The following SHTN1 variants were observed in gnomAD, a reference collection of about 807,000 sequenced individuals.
SHTN1 encodes the protein shootin-1.
Under a neutral mutation model 83.1 loss-of-function variants are expected in SHTN1, and 42 were observed. The observed-to-expected ratio is 0.51, with a 90% CI of 0.39 to 0.65. The LOEUF is 0.65. Among genes scored for constraint, SHTN1 ranks in the 30% least tolerant of loss-of-function variants. The pLI is 0.00. For synonymous variants in SHTN1, 224 were observed against 247.7 expected, an observed-to-expected ratio of 0.90 and a Z score of 0.90; for missense variants, 622 against 737.8, an observed-to-expected ratio of 0.84 and a Z score of 1.82.
intron 2 of SHTN1, among the ~76,000 whole-genome samples, chr10:117,022,649 A>G (rs140154794): frequency 7.6e-4 from 115 of 152,298 alleles, no homozygotes; most frequent in African/African-American, 2.4e-3. Flanking sequence ...GGCCGGGCAC[A>G]GTGGCTCATG....
intron 14 of SHTN1, among the ~76,000 whole-genome samples, chr10:116,909,564 T>C (rs1046988888): frequency 4.6e-5 from 7 of 152,192 alleles, no homozygotes; most frequent in Admixed American, 4.6e-4. Flanking sequence ...TTTGTGACTA[T>C]GAGAAATGGA....
intron 15 of SHTN1, among the ~76,000 whole-genome samples, chr10:116,903,370 T>C (rs1847824850): frequency 6.6e-6 from 1 of 152,020 alleles, no homozygotes; most frequent in Admixed American, 6.5e-5. Context: ...CTGTCTCTAC[T>C]AGAAATCAGC....
At chr10:117,042,894 G>C (rs1399370704) in intron 2 of SHTN1, among the ~76,000 whole-genome samples, 11 of 152,132 alleles carry the variant, frequency 7.2e-5, no homozygotes, top group Admixed American at 7.2e-4. Flanking sequence ...GGGATTACAG[G>C]CGTTTGCCAT....
At chr10:117,002,063 T>A (rs2133540720) in intron 1 of SHTN1, among the ~76,000 whole-genome samples, 1 of 152,324 alleles carries the variant, frequency 6.6e-6, no homozygotes, top group South Asian at 2.1e-4. Context: ...AAGATTGCTA[T>A]TAGCCAGAGT....
rs1853785081 is a variant in SHTN1, at chr10:117,112,656, C to A, written c.-189+13651G>T. 3.9e-5 allele frequency among the ~76,000 whole-genome samples: 6 copies of A among 152,150 alleles called. No individual in the cohort carries two copies. The South Asian group carries it at 1.2e-3, about 32-fold the overall frequency. On this transcript the variant is annotated intron_variant, in intron 1 of 17. Coordinates refer to the SHTN1 transcript ENST00000392901. ...GAGTTAATGAGAAATAGAACTGGGA[C>A]AACTAGAACCCAGTTTTCCTGCGTT...
Position 116,882,132 on chromosome 10 carries a change from G to GT in SHTN1, c.*4211dup, listed in dbSNP as rs1847033417. On this transcript the variant is annotated 3_prime_UTR_variant, in exon 17 of 17. Coordinates refer to ENST00000355371, the MANE Select transcript of SHTN1 (RefSeq NM_001127211.3). The stretch of plus-strand genomic sequence containing the variant: ...GACACATTTTTGTAACCAACCTCAC[G>GT]TAGAAGTGTGAGAGCATCACCATTT... 6.6e-6 allele frequency: 1 copy of GT among 152,570 alleles called. No individual in the cohort carries two copies. Among genetic ancestry groups the GT allele is most frequent in the African/African-American group, 2.4e-5 (1 of 41,418 alleles). The allele number at this position is 152,570 out of a possible 1,614,324, so 9.5% of individuals were successfully genotyped here.
At chr10:116,920,750 G>A (rs1175811321) in intron 12 of SHTN1, among the ~76,000 whole-genome samples, 1 of 152,076 alleles carries the variant, frequency 6.6e-6, no homozygotes, top group African/African-American at 2.4e-5. Context: ...TGGACACCAT[G>A]TTCCAGCCAT....
intron 2 of SHTN1, among the ~76,000 whole-genome samples, chr10:117,018,917 T>C (rs1852223405): frequency 6.6e-6 from 1 of 151,930 alleles, no homozygotes; most frequent in Non-Finnish European, 1.5e-5. Flanking sequence ...TCCTAGCCAG[T>C]ACAGTAAGGA....
chr10:116,922,449 T>C (rs1848598815), intron 11 of SHTN1, among the ~76,000 whole-genome samples: 1 of 151,980 alleles, frequency 6.6e-6, no homozygotes. Flanking sequence ...GAGCCAGTGA[T>C]TCCACTGCCA....
chr10:116,916,355 G>A (rs1382388534), intron 12 of SHTN1, among the ~76,000 whole-genome samples: 2 of 152,142 alleles, frequency 1.3e-5, no homozygotes, highest in African/African-American at 4.8e-5. Context: ...TGCAGTTCTA[G>A]GTCTTGTGTT....
rs114197160 is a variant in SHTN1, at chr10:117,078,167, T to C, written c.-188-29657A>G. Among the ~76,000 whole-genome samples, 1,508 of 152,240 alleles carry C rather than the reference T, an allele frequency of 9.9e-3. 18 individuals are homozygous for C. Among genetic ancestry groups the C allele is most frequent in the African/African-American group, 0.035 (1,437 of 41,538 alleles). ...GCTTTCAATGGACATTTTAAACACA[T>C]GGGATTAAGATCCTGAAGCACGTCT... On this transcript the variant is annotated intron_variant, in intron 1 of 17. Transcript: ENST00000392901.
intron 12 of SHTN1, among the ~76,000 whole-genome samples, chr10:116,920,579 C>T (rs1848526121): frequency 6.6e-6 from 1 of 152,166 alleles, no homozygotes; most frequent in Admixed American, 6.5e-5. Flanking sequence ...TATCCAGTTA[C>T]AGTCTGTTCT....
intron 4 of SHTN1, among the ~76,000 whole-genome samples, chr10:116,954,992 T>C (rs1468458795): frequency 6.6e-6 from 1 of 151,810 alleles, no homozygotes; most frequent in Non-Finnish European, 1.5e-5. Context: ...AGAGATTCTA[T>C]GGAAGTCTCT....
intron 14 of SHTN1, among the ~76,000 whole-genome samples, chr10:116,910,220 G>A (rs938835148): frequency 1.3e-5 from 2 of 152,178 alleles, no homozygotes; most frequent in African/African-American, 4.8e-5. Context: ...TTGGCAGAGA[G>A]TAGGGGAGAG....
chr10:117,119,560 T>C (rs1853894819), intron 1 of SHTN1, among the ~76,000 whole-genome samples: 1 of 152,146 alleles, frequency 6.6e-6, no homozygotes, highest in African/African-American at 2.4e-5. Context: ...GGCGAGGATG[T>C]GGAGAAAAGG....
Position 116,954,028 on chromosome 10 carries a change from G to A in SHTN1, c.436+14C>T, listed in dbSNP as rs1415901161. 6.3e-7 allele frequency: 1 copy of A among 1,597,056 alleles called. No individual in the cohort carries two copies. The highest frequency in any genetic ancestry group is 1.1e-5 in the South Asian group (1 of 88,206). The stretch of plus-strand genomic sequence containing the variant: ...GGTAAAAAATATGCTCAATAATTAA[G>A]CAAAGAGTTCTACCTTTAATTTGCT... On this transcript the variant is annotated intron_variant, in intron 5 of 16. Coordinates refer to ENST00000355371, the MANE Select transcript of SHTN1 (RefSeq NM_001127211.3).
chr10:116,976,531 C>T (rs1482463021), intron 2 of SHTN1, among the ~76,000 whole-genome samples: 1 of 152,188 alleles, frequency 6.6e-6, no homozygotes, highest in Admixed American at 6.5e-5. Context: ...GATTTAACTG[C>T]ACTCTGGTTT....
At position 116,940,478 on chromosome 10, in the gene SHTN1, C is replaced by G; in HGVS notation, c.846G>C (p.Gln282His). The G allele has an allele frequency of 6.2e-7, 1 of 1,613,440 alleles. No individual in the cohort carries two copies. The highest frequency in any genetic ancestry group is 8.5e-7 in the Non-Finnish European group (1 of 1,179,648). The part of the protein sequence containing the change: ...LTQQLEEERI[Q>H]HQQKVKELEE... ...GAAAATGGGTTACCTTTTGTTGATGCTGAATTCTCTCTTCTTCAAGTTGCT... is the reference window on the plus strand; with the variant it reads ...GAAAATGGGTTACCTTTTGTTGATGGTGAATTCTCTCTTCTTCAAGTTGCT... Residue 282 changes from glutamine (Q) to histidine (H), a missense_variant, in exon 9 of 17, where the codon CAG (glutamine) becomes CAC (histidine). Physicochemically the swap from Gln to His is conservative, Grantham distance 24. This residue lies in a region of SHTN1 where 383 missense variants were observed against 455.8 expected (regional missense o/e 0.84). Transcript: ENST00000355371.
chr10:117,085,247 A>G lies in SHTN1; in HGVS notation c.-188-36737T>C, dbSNP rs1229261048. Among the ~76,000 whole-genome samples the G allele has an allele frequency of 2.0e-5, 3 of 151,894 alleles. No individual in the cohort carries two copies. The East Asian group carries it at 5.8e-4, about 29-fold the overall frequency. The stretch of plus-strand genomic sequence containing the variant: ...GGTTAAAAAACATTATCGATTTTGG[A>G]CCTTCCTTCTTTTCTCATATATGCA... On this transcript the variant is annotated intron_variant, in intron 1 of 17. Transcript: ENST00000392901.
Sources: gnomAD v4.1 joint callset for allele counts (sites outside exome capture counted in the v4.1 genomes callset) on GRCh38, gnomAD v4.1.1 for gene constraint, gnomAD v4.1.1 regional missense constraint, MANE v1.5 for transcripts, NCBI Gene and HGNC (gene_info 2026-07-23, HGNC 2026-07-21) for gene names.